LINC00632: variants seen among roughly 807,000 people sequenced by gnomAD.
The protein encoded by LINC00632 is long independently transcribed non-coding RNA 632.
chrX:140,768,030 C>T (rs1004900091), intron 3 of LINC00632, among the ~76,000 whole-genome samples: 12 of 111,491 alleles, frequency 1.1e-4, no homozygotes, highest in Non-Finnish European at 2.1e-4. Context: ...CAAACCATAA[C>T]GCAGCTCCAT....
At chrX:140,744,852 G>T in intron 3 of LINC00632, among the ~76,000 whole-genome samples, 1 of 110,452 alleles carries the variant, frequency 9.1e-6, no homozygotes, top group East Asian at 2.9e-4. Context: ...CAAAGTGTTG[G>T]GATTACAGGC....
intron 3 of LINC00632, among the ~76,000 whole-genome samples, chrX:140,739,463 T>C (rs1272032259): frequency 1.8e-5 from 2 of 110,932 alleles, no homozygotes; most frequent in Non-Finnish European, 3.8e-5. Flanking sequence ...TCAGGTGATC[T>C]GCCTGCCTTG....
At chrX:140,773,718 T>C (rs1330905730) in exon 4 of LINC00632, among the ~76,000 whole-genome samples, 1 of 112,121 alleles carries the variant, frequency 8.9e-6, no homozygotes. Context: ...CAGACAAAAA[T>C]GCAGTCATAA....
exon 5 of LINC00632, among the ~76,000 whole-genome samples, chrX:140,788,621 AAAC>A (rs1932053438): frequency 9.1e-6 from 1 of 109,418 alleles, no homozygotes; most frequent in Non-Finnish European, 1.9e-5. Flanking sequence ...ATTTATTGAA[AAAC>A]AAGCTCAAAA....
At chrX:140,764,252 C>A (rs1340406419) in intron 3 of LINC00632, among the ~76,000 whole-genome samples, 1 of 108,613 alleles carries the variant, frequency 9.2e-6, no homozygotes, top group African/African-American at 3.4e-5. Context: ...TGATCGAATC[C>A]ATCCACGACT....
At chrX:140,754,911 A>AT in intron 3 of LINC00632, among the ~76,000 whole-genome samples, 1 of 109,643 alleles carries the variant, frequency 9.1e-6, no homozygotes, top group African/African-American at 3.3e-5. Flanking sequence ...CTATATGCTC[A>AT]TAAGATCTAT....
chrX:140,719,874 G>A (rs1930697819), intron 2 of LINC00632, among the ~76,000 whole-genome samples: 1 of 108,801 alleles, frequency 9.2e-6, no homozygotes, highest in African/African-American at 3.3e-5. Context: ...CGGATCACAA[G>A]GTTAGGAGTT....
intron 2 of LINC00632, among the ~76,000 whole-genome samples, chrX:140,722,189 A>G (rs2148378920): frequency 9.0e-6 from 1 of 111,077 alleles, no homozygotes; most frequent in African/African-American, 3.3e-5. Context: ...CCCATAACAC[A>G]GGACCTAGAC....
chrX:140,776,923 A>C (rs1416552921), exon 5 of LINC00632, among the ~76,000 whole-genome samples: 1 of 111,586 alleles, frequency 9.0e-6, no homozygotes, highest in African/African-American at 3.3e-5. Flanking sequence ...GATAAAGAAA[A>C]TGTGGCACAT....
intron 3 of LINC00632, among the ~76,000 whole-genome samples, chrX:140,765,334 G>A (rs1435117994): frequency 9.0e-6 from 1 of 111,451 alleles, no homozygotes; most frequent in African/African-American, 3.3e-5. Flanking sequence ...TTTTGGAGTA[G>A]CCCAAAGCTG....
intron 2 of LINC00632, among the ~76,000 whole-genome samples, chrX:140,723,414 CAT>C (rs1930777367): frequency 1.4e-4 from 1 of 7,294 alleles, no homozygotes; most frequent in Non-Finnish European, 2.7e-4. Flanking sequence ...CATACACACA[CAT>C]TCCATACACA....
chrX:140,749,363 G>A lies in LINC00632; in HGVS notation n.191+15399G>A, dbSNP rs144344421. Among the ~76,000 whole-genome samples the A allele has an allele frequency of 7.5e-3, 834 of 111,806 alleles. 8 individuals are homozygous for A. The highest frequency in any genetic ancestry group is 0.025 in the African/African-American group (756 of 30,831). ...ATTCTGTAATCATCCTGAGTAACAG[G>A]GATGGGAAAGTTTTTGTGATACGTT... On this transcript the variant is annotated intron_variant and non_coding_transcript_variant, in intron 3 of 4. Transcript: ENST00000648200.
chrX:140,755,013 C>T (rs5954086), intron 3 of LINC00632, among the ~76,000 whole-genome samples: 2,087 of 111,303 alleles, frequency 0.019, 45 homozygotes, highest in African/African-American at 0.065. Flanking sequence ...TTCTCAGAGC[C>T]GTAGGTACTT....
At chrX:140,765,876 C>G (rs748648936) in intron 3 of LINC00632, among the ~76,000 whole-genome samples, 2 of 111,714 alleles carry the variant, frequency 1.8e-5, no homozygotes, top group African/African-American at 6.5e-5. Flanking sequence ...TTGTCTTATG[C>G]GGGCCAGTGA....
At chrX:140,709,857 A>G in intron 1 of LINC00632, 1 of 337,614 alleles carries the variant, frequency 3.0e-6, no homozygotes, top group South Asian at 2.7e-5. Context: ...TAAGATTTTT[A>G]AAGCAAGCGA....
chrX:140,725,282 TACAC>T (rs747008542), intron 2 of LINC00632, among the ~76,000 whole-genome samples: 3 of 31,697 alleles, frequency 9.5e-5, no homozygotes, highest in Middle Eastern at 0.019. Flanking sequence ...ACACATTCCA[TACAC>T]ACACACATTC....
chrX:140,767,206 G>C (rs1409628560), intron 3 of LINC00632, among the ~76,000 whole-genome samples: 1 of 111,083 alleles, frequency 9.0e-6, no homozygotes, highest in Non-Finnish European at 1.9e-5. Flanking sequence ...ATAAATGTGT[G>C]ACCTCAGACA....
At chrX:140,772,366 T>C in exon 4 of LINC00632, 1 of 293,887 alleles carries the variant, frequency 3.4e-6, no homozygotes, top group Non-Finnish European at 5.9e-6. Flanking sequence ...CTGGTTAGCC[T>C]TTTTATTTGT....
intron 2 of LINC00632, among the ~76,000 whole-genome samples, chrX:140,720,744 A>G (rs1423263430): frequency 2.7e-5 from 3 of 112,161 alleles, no homozygotes. Flanking sequence ...CCCAAAATAC[A>G]TGGACGTGTC....
Sources: gnomAD v4.1 joint callset for allele counts (sites outside exome capture counted in the v4.1 genomes callset) on GRCh38, gnomAD v4.1.1 for gene constraint, MANE v1.5 for transcripts, NCBI Gene and HGNC (gene_info 2026-07-23, HGNC 2026-07-21) for gene names.